The following EEPD1 variants were observed in gnomAD, a reference collection of about 807,000 sequenced individuals.
The protein encoded by EEPD1 is endonuclease/exonuclease/phosphatase family domain containing 1, also known as endonuclease/exonuclease/phosphatase family domain-containing protein 1.
A neutral mutation model predicts 46.3 loss-of-function variants in EEPD1; 17 were observed. The observed-to-expected ratio is 0.37, with a 90% CI of 0.25 to 0.55. The LOEUF is 0.55. Ranked by LOEUF, EEPD1 falls within the 20% of genes least tolerant of loss-of-function variation. The pLI is 0.83. For missense variants in EEPD1, 673 were observed against 745.6 expected, an observed-to-expected ratio of 0.90 and a Z score of 1.13; for synonymous variants, 313 against 315.6, an observed-to-expected ratio of 0.99 and a Z score of 0.09.
Position 36,168,357 on chromosome 7 carries a change from T to A in EEPD1, c.878+13155T>A, listed in dbSNP as rs1404461689. ...CTTAAAGAATATAAGCTGACTTGAATGAAGTGACGTACTTGGTGAAACTGG... is the reference window on the plus strand; with the variant it reads ...CTTAAAGAATATAAGCTGACTTGAAAGAAGTGACGTACTTGGTGAAACTGG... On this transcript the variant is annotated intron_variant, in intron 2 of 7. Coordinates refer to ENST00000242108, the MANE Select transcript of EEPD1 (RefSeq NM_030636.3). 2.0e-5 allele frequency among the ~76,000 whole-genome samples: 3 copies of A among 152,226 alleles called. No homozygotes were observed. In the East Asian group the frequency reaches 5.8e-4, roughly 29 times the overall value.
intron 2 of EEPD1, among the ~76,000 whole-genome samples, chr7:36,156,542 AATG>A (rs1359465460): frequency 6.6e-6 from 1 of 152,190 alleles, no homozygotes; most frequent in Admixed American, 6.5e-5. Flanking sequence ...GTGAATGGGA[AATG>A]AGGAGGGGAG....
intron 4 of EEPD1, among the ~76,000 whole-genome samples, chr7:36,283,419 G>T (rs905783316): frequency 6.6e-6 from 1 of 152,106 alleles, no homozygotes; most frequent in Non-Finnish European, 1.5e-5. Flanking sequence ...GCTTTTGGGC[G>T]GAAGATGACT....
chr7:36,292,689 G>T (rs1185831422), intron 6 of EEPD1, among the ~76,000 whole-genome samples: 2 of 151,992 alleles, frequency 1.3e-5, no homozygotes, highest in Non-Finnish European at 2.9e-5. Context: ...TGCATCTTTA[G>T]TAGAGATGGG....
At chr7:36,298,639 AC>A (rs1787564525) in intron 7 of EEPD1, among the ~76,000 whole-genome samples, 1 of 151,986 alleles carries the variant, frequency 6.6e-6, no homozygotes, top group Non-Finnish European at 1.5e-5. Context: ...GCAAAACTGG[AC>A]CTTTGCTTTG....
intron 2 of EEPD1, among the ~76,000 whole-genome samples, chr7:36,199,560 G>A (rs543910347): frequency 2.0e-5 from 3 of 152,226 alleles, no homozygotes; most frequent in South Asian, 4.2e-4. Context: ...GGCAGCCTGG[G>A]CCAGCTCTGC....
chr7:36,162,767 G>A (rs1784920145), intron 2 of EEPD1, among the ~76,000 whole-genome samples: 1 of 152,054 alleles, frequency 6.6e-6, no homozygotes, highest in South Asian at 2.1e-4. Context: ...TTCTATTTTG[G>A]TTCAGCCGTT....
rs1173265836 is a variant in EEPD1, at chr7:36,154,552, G to C, written c.228G>C (p.Lys76Asn). ...EYREYIGGFK[K>N]VEDLALVSGV... Reference sequence around the variant, plus strand: ...GAGAGTATATCGGTGGCTTCAAGAAGGTGGAGGACCTGGCATTGGTCAGTG... The same window carrying C: ...GAGAGTATATCGGTGGCTTCAAGAACGTGGAGGACCTGGCATTGGTCAGTG... The change falls in exon 2 of 8, where the codon AAG becomes AAC. Residue 76 changes from lysine (K) to asparagine (N), a missense_variant. Transcript: ENST00000242108. The surrounding 1 kb of genome is among the most constrained non-coding windows in gnomAD (Gnocchi z 4.2). The C allele has an allele frequency of 6.2e-7, 1 of 1,614,170 alleles. No homozygotes were observed. Among genetic ancestry groups the C allele is most frequent in the Non-Finnish European group, 8.5e-7 (1 of 1,180,026 alleles).
At chr7:36,274,893 G>A (rs1787161432) in intron 3 of EEPD1, among the ~76,000 whole-genome samples, 1 of 152,164 alleles carries the variant, frequency 6.6e-6, no homozygotes. Flanking sequence ...TTTGCCCTGT[G>A]TCCTATTGTA....
chr7:36,264,034 A>G (rs1015531513), intron 3 of EEPD1, among the ~76,000 whole-genome samples: 3 of 152,164 alleles, frequency 2.0e-5, no homozygotes, highest in South Asian at 2.1e-4. Context: ...AAAATTATAT[A>G]TGTTTGTGGG....
At chr7:36,214,845 C>A (rs1786001305) in intron 2 of EEPD1, among the ~76,000 whole-genome samples, 1 of 152,166 alleles carries the variant, frequency 6.6e-6, no homozygotes, top group Non-Finnish European at 1.5e-5. Flanking sequence ...CCACTCAGAA[C>A]CTCCTTTGGA....
At chr7:36,233,903 GGTTTTTT>G (rs1786380861) in intron 2 of EEPD1, among the ~76,000 whole-genome samples, 1 of 152,032 alleles carries the variant, frequency 6.6e-6, no homozygotes, top group Non-Finnish European at 1.5e-5. Context: ...TTTTTTGGTG[GGTTTTTT>G]GTTTTTTGTT....
intron 2 of EEPD1, among the ~76,000 whole-genome samples, chr7:36,206,944 G>A (rs1785831087): frequency 6.6e-6 from 1 of 152,172 alleles, no homozygotes; most frequent in South Asian, 2.1e-4. Flanking sequence ...AGCTATTCGG[G>A]AGGCTGAGGC....
chr7:36,199,702 TCTTGCTTTACCC>T (rs1168276329), intron 2 of EEPD1, among the ~76,000 whole-genome samples: 2 of 152,156 alleles, frequency 1.3e-5, no homozygotes, highest in Admixed American at 6.5e-5. Flanking sequence ...GGGTAAGACC[TCTTGCTTTACCC>T]CTTGCTGAGA....
chr7:36,213,214 A>C (rs755692824), intron 2 of EEPD1, among the ~76,000 whole-genome samples: 1 of 152,186 alleles, frequency 6.6e-6, no homozygotes, highest in Non-Finnish European at 1.5e-5. Flanking sequence ...AAGCTAACCT[A>C]ATATATTATG....
intron 3 of EEPD1, among the ~76,000 whole-genome samples, chr7:36,280,219 G>A (rs1458691466): frequency 1.3e-5 from 2 of 152,198 alleles, no homozygotes; most frequent in Admixed American, 6.5e-5. Flanking sequence ...ACTCAGGAGA[G>A]CAGCTGGCGA....
At chr7:36,249,670 T>C (rs1736328251) in intron 3 of EEPD1, among the ~76,000 whole-genome samples, 1 of 152,242 alleles carries the variant, frequency 6.6e-6, no homozygotes, top group African/African-American at 2.4e-5. Flanking sequence ...GTTACAACTC[T>C]GTAAAACATG....
chr7:36,168,099 G>A (rs1279282693), intron 2 of EEPD1, among the ~76,000 whole-genome samples: 5 of 152,238 alleles, frequency 3.3e-5, no homozygotes, highest in African/African-American at 4.8e-5. Context: ...TTGTAATTGT[G>A]TGTTGGTGCT....
At chr7:36,284,609 C>T (rs922347869) in intron 4 of EEPD1, 77 bp from the exon 5 acceptor site, 3 of 1,544,328 alleles carry the variant, frequency 1.9e-6, no homozygotes, top group Non-Finnish European at 2.6e-6. Context: ...CTCTCGGTCT[C>T]TCTGGCCTCT....
intron 3 of EEPD1, among the ~76,000 whole-genome samples, chr7:36,255,273 C>T (rs1052029342): frequency 6.6e-6 from 1 of 152,146 alleles, no homozygotes; most frequent in African/African-American, 2.4e-5. Context: ...GGTTTTAGGT[C>T]TTACACTTAA....
Sources: allele counts gnomAD v4.1 joint callset (sites outside exome capture counted in the v4.1 genomes callset), GRCh38; gene constraint gnomAD v4.1.1; non-coding constraint Gnocchi (gnomAD v3.1); transcripts MANE v1.5; gene names NCBI Gene and HGNC (gene_info 2026-07-23, HGNC 2026-07-21).